The following ADAMTS20 variants were observed in gnomAD, a reference collection of about 807,000 sequenced individuals.
The protein encoded by ADAMTS20 is A disintegrin and metalloproteinase with thrombospondin motifs 20.
A neutral mutation model predicts 260.1 loss-of-function variants in ADAMTS20; 225 were observed. The ratio of observed to expected loss-of-function variants is 0.87; its 90% confidence interval spans 0.78 to 0.97. ADAMTS20 has a LOEUF of 0.97. ADAMTS20 is among the 50% of genes least tolerant of loss of function. The pLI is 0.00. For missense variants in ADAMTS20, 2,400 were observed against 2,337.7 expected (o/e 1.03, Z -0.55); for synonymous variants, 802 against 769.5 (o/e 1.04, Z -0.70).
chr12:43,465,966 T>C (rs1942145386), intron 9 of ADAMTS20, among the ~76,000 whole-genome samples: 1 of 152,026 alleles, frequency 6.6e-6, no homozygotes, highest in Admixed American at 6.6e-5. Context: ...AGAAGTGAAG[T>C]AGTGTTACAT....
chr12:43,516,889 G>A (rs1943006726), intron 3 of ADAMTS20, among the ~76,000 whole-genome samples: 1 of 151,810 alleles, frequency 6.6e-6, no homozygotes, highest in Non-Finnish European at 1.5e-5. Context: ...AAAAATATAA[G>A]GTAGACATGA....
chr12:43,498,383 T>C (rs1942707105), intron 4 of ADAMTS20, among the ~76,000 whole-genome samples: 1 of 152,210 alleles, frequency 6.6e-6, no homozygotes, highest in South Asian at 2.1e-4. Flanking sequence ...AAGTTGTGTA[T>C]ATAATCCATT....
At chr12:43,449,312 G>C (rs1941821043) in intron 14 of ADAMTS20, among the ~76,000 whole-genome samples, 1 of 152,052 alleles carries the variant, frequency 6.6e-6, no homozygotes, top group Admixed American at 6.6e-5. Flanking sequence ...CCATAGAAAA[G>C]AATAAAATGA....
intron 37 of ADAMTS20, among the ~76,000 whole-genome samples, chr12:43,363,255 C>T (rs144309937): frequency 1.3e-3 from 203 of 152,208 alleles, no homozygotes; most frequent in African/African-American, 4.5e-3. Flanking sequence ...TTGAGACAGG[C>T]AGGCCACCAG....
Position 43,550,992 on chromosome 12 carries a change from A to G in ADAMTS20, c.370T>C (p.Ser124Pro), listed in dbSNP as rs1279588826. ...RGAWESDAGP[S>P]DLRHCFYRGQ... ...CGGTAGAAGCAGTGGCGCAGGTCCG[A>G]GGGCCCTGCGTCGCTCTCCCAGGCC... is the stretch of plus-strand genomic sequence containing the variant. Residue 124 changes from serine to proline, a missense_variant, in exon 2 of 39, where the codon TCG becomes CCG. By Grantham distance (74) the Ser-to-Pro change is moderately conservative. Transcript: ENST00000389420. 6.2e-7 allele frequency: 1 copy of G among 1,612,276 alleles called. No homozygotes were observed. Among genetic ancestry groups the G allele is most frequent in the African/African-American group, 1.3e-5 (1 of 74,892 alleles).
intron 18 of ADAMTS20, among the ~76,000 whole-genome samples, chr12:43,438,872 C>G (rs1420864809): frequency 6.6e-6 from 1 of 152,200 alleles, no homozygotes; most frequent in Non-Finnish European, 1.5e-5. Context: ...GAGGTCCACA[C>G]TGTGCGTATC....
intron 11 of ADAMTS20, among the ~76,000 whole-genome samples, chr12:43,457,764 C>T (rs913530990): frequency 3.3e-5 from 5 of 152,210 alleles, no homozygotes; most frequent in African/African-American, 7.2e-5. Flanking sequence ...ACTAGCATCC[C>T]TTACTTCTAT....
intron 11 of ADAMTS20, 98 bp from the exon 12 acceptor site, chr12:43,454,150 C>G (rs1039899505): frequency 2.2e-6 from 3 of 1,350,668 alleles, no homozygotes; most frequent in African/African-American, 2.9e-5. Flanking sequence ...GAAGAACAAA[C>G]TAAACAATTT....
rs1310573877 is a variant in ADAMTS20, at chr12:43,432,252, G to A, written c.3096+52C>T. 19 of 1,546,446 alleles carry A rather than the reference G, an allele frequency of 1.2e-5. No homozygotes were observed. The East Asian group carries it at 1.4e-4, about 11-fold the overall frequency. The stretch of plus-strand genomic sequence containing the variant: ...ATTTTGTAAAGTCTTAGATTACAAA[G>A]CTTTACTAACACAATATTTTAATAG... On this transcript the variant is annotated intron_variant, in intron 21 of 38. Coordinates refer to ENST00000389420, the MANE Select transcript of ADAMTS20 (RefSeq NM_025003.5).
intron 2 of ADAMTS20, among the ~76,000 whole-genome samples, chr12:43,534,841 A>G: frequency 6.6e-6 from 1 of 152,202 alleles, no homozygotes; most frequent in East Asian, 1.9e-4. Flanking sequence ...ATTATTAGGA[A>G]CAGTGCCGAT....
rs929226257 is a variant in ADAMTS20 at position 43,402,893 on chromosome 12, A to G, written c.4285-3660T>C. ...ACTGAGATTTTTTTTTTCCATGACTACTATGGAGCAGTAGATACAGCACAC... is the reference window on the plus strand; with the variant it reads ...ACTGAGATTTTTTTTTTCCATGACTGCTATGGAGCAGTAGATACAGCACAC... On this transcript the variant is annotated intron_variant, in intron 28 of 38. Coordinates refer to ENST00000389420, the MANE Select transcript of ADAMTS20 (RefSeq NM_025003.5). Among the ~76,000 whole-genome samples the G allele has an allele frequency of 2.0e-5, 3 of 151,950 alleles. No individual in the cohort carries two copies. The East Asian group carries it at 5.8e-4, about 29-fold the overall frequency.
intron 6 of ADAMTS20, 139 bp downstream of exon 6, chr12:43,492,366 C>T (rs1319114033): frequency 1.7e-5 from 18 of 1,035,242 alleles, no homozygotes; most frequent in Non-Finnish European, 2.3e-5. Flanking sequence ...GGCGACAGAG[C>T]GAGACTCTGT....
At chr12:43,451,906 G>A (rs925513067) in intron 14 of ADAMTS20, among the ~76,000 whole-genome samples, 2 of 152,062 alleles carry the variant, frequency 1.3e-5, no homozygotes, top group South Asian at 2.1e-4. Flanking sequence ...TGGTTTCAAC[G>A]GACAAGGAAA....
intron 31 of ADAMTS20, among the ~76,000 whole-genome samples, chr12:43,381,599 C>A (rs1413734661): frequency 7.8e-6 from 1 of 127,986 alleles, no homozygotes; most frequent in Non-Finnish European, 1.6e-5. Flanking sequence ...TTGGGCAACA[C>A]AGGGAGACCC....
At chr12:43,546,525 T>A (rs1284332837) in intron 2 of ADAMTS20, among the ~76,000 whole-genome samples, 1 of 152,192 alleles carries the variant, frequency 6.6e-6, no homozygotes, top group East Asian at 1.9e-4. Context: ...AAACAGCCTG[T>A]GTAAAGTTTG....
chr12:43,522,080 G>A (rs1378001867), intron 3 of ADAMTS20, among the ~76,000 whole-genome samples: 6 of 152,170 alleles, frequency 3.9e-5, no homozygotes, highest in African/African-American at 1.4e-4. Flanking sequence ...AGAAATACCT[G>A]AGGCTGGGTA....
Position 43,501,469 on chromosome 12 carries a change from G to A in ADAMTS20, c.867+683C>T, listed in dbSNP as rs866354463. 3.2e-3 allele frequency among the ~76,000 whole-genome samples: 134 copies of A among 42,088 alleles called. 1 individual carries two copies. In the East Asian group the frequency reaches 0.12, roughly 39 times the overall value. The allele number at this position is 42,088 out of a possible 152,430, so 27.6% of individuals were successfully genotyped here. On this transcript the variant is annotated intron_variant, in intron 4 of 38. Coordinates refer to ENST00000389420, the MANE Select transcript of ADAMTS20 (RefSeq NM_025003.5). ...GGGTGGTGGAGGGGGATACGCGCGCGCGCGCGCGCGCGCACACACACACAC... is the reference window on the plus strand; with the variant it reads ...GGGTGGTGGAGGGGGATACGCGCGCACGCGCGCGCGCGCACACACACACAC...
intron 14 of ADAMTS20, among the ~76,000 whole-genome samples, chr12:43,451,170 G>A (rs1190671624): frequency 6.6e-6 from 1 of 152,164 alleles, no homozygotes; most frequent in African/African-American, 2.4e-5. Context: ...AATGAAATAA[G>A]CCAGACACCA....
intron 28 of ADAMTS20, among the ~76,000 whole-genome samples, chr12:43,414,543 A>C: frequency 6.6e-6 from 1 of 152,260 alleles, no homozygotes; most frequent in African/African-American, 2.4e-5. Flanking sequence ...AGTGGACAAA[A>C]GACTTCCATA....
Sources: gnomAD v4.1 joint callset for allele counts (sites outside exome capture counted in the v4.1 genomes callset) on GRCh38, gnomAD v4.1.1 for gene constraint, MANE v1.5 for transcripts, NCBI Gene and HGNC (gene_info 2026-07-23, HGNC 2026-07-21) for gene names.